The following GLRA2 variants were observed in gnomAD, a reference collection of about 807,000 sequenced individuals.
GLRA2 encodes glycine receptor alpha 2, also known as glycine receptor subunit alpha-2.
In GLRA2, 11 loss-of-function variants were observed where a neutral mutation model predicts 31.6. The ratio of observed to expected loss-of-function variants is 0.35; its 90% CI spans 0.22 to 0.58. GLRA2 has a LOEUF of 0.58. GLRA2 is among the 20% of genes least tolerant of loss of function. The probability of loss-of-function intolerance (pLI) is 0.84; values close to 1 mark genes in which losing one functional copy is unlikely to be tolerated. For missense variants in GLRA2, 212 were observed against 351.8 expected (o/e 0.60, Z 3.18); for synonymous variants, 132 against 134.0 (o/e 0.99, Z 0.10).
intron 2 of GLRA2, among the ~76,000 whole-genome samples, chrX:14,567,800 C>A (rs2089826361): frequency 8.9e-6 from 1 of 112,009 alleles, no homozygotes; most frequent in African/African-American, 3.2e-5. Context: ...AATGAACACA[C>A]AAAAATCAGT....
At chrX:14,627,099 A>G (rs1190699573) in intron 7 of GLRA2, among the ~76,000 whole-genome samples, 2 of 110,934 alleles carry the variant, frequency 1.8e-5, no homozygotes, top group African/African-American at 6.6e-5. Flanking sequence ...TAAACTATAC[A>G]CTTGTGATCT....
the GLRA2 span, among the ~76,000 whole-genome samples, chrX:14,484,236 A>G: frequency 8.9e-6 from 1 of 112,150 alleles, no homozygotes; most frequent in Admixed American, 9.5e-5. Flanking sequence ...CAAATTTCAA[A>G]AGTGGAGTCA....
At chrX:14,487,688 G>C in the GLRA2 span, among the ~76,000 whole-genome samples, 1 of 111,659 alleles carries the variant, frequency 9.0e-6, no homozygotes, top group Non-Finnish European at 1.9e-5. Context: ...ATTGTATAAA[G>C]ATATCTAAAG....
intron 2 of GLRA2, among the ~76,000 whole-genome samples, chrX:14,537,458 G>A: frequency 9.0e-6 from 1 of 111,450 alleles, no homozygotes. Context: ...TGGGTAGTAT[G>A]GTCCATGGTG....
At chrX:14,687,458 G>T (rs772584770) in intron 7 of GLRA2, among the ~76,000 whole-genome samples, 5 of 111,288 alleles carry the variant, frequency 4.5e-5, no homozygotes, top group Non-Finnish European at 9.4e-5. Context: ...ATGCAGATTT[G>T]GTCTTTTCAC....
intron 7 of GLRA2, 29 bp from the exon 8 acceptor site, chrX:14,690,677 CTGTG>C: frequency 2.0e-5 from 15 of 758,766 alleles, no homozygotes; most frequent in Non-Finnish European, 2.5e-5. Context: ...CTCTCTCTCT[CTGTG>C]TGTGTGTGTG....
At chrX:14,672,190 C>G (rs1196314225) in intron 7 of GLRA2, among the ~76,000 whole-genome samples, 1 of 112,202 alleles carries the variant, frequency 8.9e-6, no homozygotes, top group Non-Finnish European at 1.9e-5. Flanking sequence ...TCTCATGGCT[C>G]TCTCTAACAC....
At chrX:14,579,839 G>A (rs774757195) in intron 3 of GLRA2, among the ~76,000 whole-genome samples, 1 of 112,337 alleles carries the variant, frequency 8.9e-6, no homozygotes, top group Admixed American at 9.5e-5. Context: ...AATGCTCTAT[G>A]AACTTGATCA....
chrX:14,724,958 G>A (rs2091913318), intron 8 of GLRA2, among the ~76,000 whole-genome samples: 1 of 111,560 alleles, frequency 9.0e-6, no homozygotes, highest in African/African-American at 3.3e-5. Flanking sequence ...GATAATGGAA[G>A]CCATTTGGGA....
At chrX:14,562,484 A>G (rs1379185397) in intron 2 of GLRA2, among the ~76,000 whole-genome samples, 1 of 111,942 alleles carries the variant, frequency 8.9e-6, no homozygotes, top group Non-Finnish European at 1.9e-5. Context: ...ACCTTTCTAT[A>G]GGCTACCAGA....
chrX:14,651,012 T>C (rs2090883649), intron 7 of GLRA2, among the ~76,000 whole-genome samples: 1 of 112,375 alleles, frequency 8.9e-6, no homozygotes, highest in Non-Finnish European at 1.9e-5. Flanking sequence ...AATTTTCCTA[T>C]GTCCTTTGCT....
At chrX:14,727,238 G>A (rs989593502) in intron 8 of GLRA2, among the ~76,000 whole-genome samples, 1 of 111,448 alleles carries the variant, frequency 9.0e-6, no homozygotes. Context: ...AGGCATACAT[G>A]TATTTGTAAA....
intron 2 of GLRA2, among the ~76,000 whole-genome samples, chrX:14,563,963 A>G (rs1001667224): frequency 6.3e-5 from 7 of 111,333 alleles, no homozygotes; most frequent in Admixed American, 1.9e-4. Flanking sequence ...TAGGATACCA[A>G]TGGGAACCCA....
At chrX:14,600,666 C>T (rs1569506643) in intron 4 of GLRA2, among the ~76,000 whole-genome samples, 1 of 110,573 alleles carries the variant, frequency 9.0e-6, no homozygotes. Context: ...CCCTCAAATA[C>T]TTATTATTTT....
intron 7 of GLRA2, among the ~76,000 whole-genome samples, chrX:14,646,779 A>G (rs1034629784): frequency 1.8e-5 from 2 of 111,593 alleles, no homozygotes; most frequent in Non-Finnish European, 3.8e-5. Flanking sequence ...GAGAGAATCA[A>G]TTAGTGGAGA....
chrX:14,591,651 C>T (rs1189959608), intron 4 of GLRA2, among the ~76,000 whole-genome samples: 2 of 111,860 alleles, frequency 1.8e-5, no homozygotes, highest in African/African-American at 6.5e-5. Context: ...TCTCTTTTGG[C>T]AACACCCTCA....
intron 8 of GLRA2, among the ~76,000 whole-genome samples, chrX:14,705,163 C>T (rs1300002350): frequency 8.9e-6 from 1 of 112,120 alleles, no homozygotes; most frequent in East Asian, 2.8e-4. Context: ...ATTTAATGCT[C>T]ATTAGAAAGT....
chrX:14,453,377 G>A, the GLRA2 span, among the ~76,000 whole-genome samples: 1 of 111,467 alleles, frequency 9.0e-6, no homozygotes. Context: ...TCAGGGGTAT[G>A]GCTAAACATC....
At chrX:14,695,834 A>G (rs2091437015) in intron 8 of GLRA2, among the ~76,000 whole-genome samples, 1 of 111,642 alleles carries the variant, frequency 9.0e-6, no homozygotes, top group African/African-American at 3.3e-5. Context: ...AGGAAGAAGG[A>G]TCAAGTATTA....
Sources: allele counts gnomAD v4.1 joint callset (sites outside exome capture counted in the v4.1 genomes callset), GRCh38; gene constraint gnomAD v4.1.1; transcripts MANE v1.5; gene names NCBI Gene and HGNC (gene_info 2026-07-23, HGNC 2026-07-21).